The following CD99 variants were observed in gnomAD, a reference collection of about 807,000 sequenced individuals.
CD99 encodes the protein CD99 antigen.
CD99 carries 19 observed loss-of-function variants against 28.4 expected under a neutral mutation model. The observed-to-expected ratio is 0.67, with a 90% CI of 0.47 to 0.98. CD99 has a LOEUF of 0.98. Among genes scored for constraint, CD99 ranks in the 50% least tolerant of loss-of-function variants. The probability of loss-of-function intolerance (pLI) is 0.00; values close to 1 mark genes in which losing one functional copy is unlikely to be tolerated. For missense variants in CD99, 283 were observed against 248.8 expected, an observed-to-expected ratio of 1.14 and a Z score of -0.92; for synonymous variants, 103 against 92.1, an observed-to-expected ratio of 1.12 and a Z score of -0.67.
intron 1 of CD99, among the ~76,000 whole-genome samples, chrX:2,707,881 G>A (rs5982839): frequency 0.11 from 17,399 of 152,086 alleles, 1,918 homozygotes; most frequent in African/African-American, 0.27. Context: ...AGGCAAGTGG[G>A]GGTGTCTGCT....
chrX:2,728,300 G>A (rs1318991783), intron 8 of CD99, among the ~76,000 whole-genome samples: 1 of 150,094 alleles, frequency 6.7e-6, no homozygotes, highest in Admixed American at 6.6e-5. Flanking sequence ...CACCTCCCGG[G>A]TTCTCCTGCC....
intron 1 of CD99, among the ~76,000 whole-genome samples, chrX:2,710,514 G>GTTTT (rs759886806): frequency 0.21 from 31,387 of 149,600 alleles, 3,407 homozygotes; most frequent in Middle Eastern, 0.26. Context: ...CACGTGTGGG[G>GTTTT]TTTTTTTTTG....
At chrX:2,692,534 C>G (rs73628661) in intron 1 of CD99, among the ~76,000 whole-genome samples, 1,573 of 152,254 alleles carry the variant, frequency 0.01, 24 homozygotes, top group African/African-American at 0.036. Context: ...CCCGGGTATC[C>G]TAGAAATTGT....
At chrX:2,707,594 C>T (rs983689026) in intron 1 of CD99, among the ~76,000 whole-genome samples, 8 of 152,168 alleles carry the variant, frequency 5.3e-5, no homozygotes, top group African/African-American at 7.2e-5. Flanking sequence ...ATCTGTCGTC[C>T]GTTCCGCCTT....
chrX:2,691,484 G>GGATCCGCTTGA (rs1386938329), intron 1 of CD99, 57 bp downstream of exon 1: 1 of 1,529,552 alleles, frequency 6.5e-7, no homozygotes, highest in African/African-American at 1.4e-5. Context: ...CCGGGACTGG[G>GGATCCGCTTGA]GATCCGCTTG....
At chrX:2,706,651 C>A (rs1230865212) in intron 1 of CD99, among the ~76,000 whole-genome samples, 1 of 151,904 alleles carries the variant, frequency 6.6e-6, no homozygotes, top group Non-Finnish European at 1.5e-5. Context: ...GGGTCTTCAT[C>A]CTCCCACCCT....
In CD99 at chrX:2,733,781, C is replaced by T. The variant is rs147738904; in HGVS notation, c.476-4419C>T. ...CTTCCCTGCAGTGTCCTAGGTTAAGCTCACTCACGTCCTAAGGATTTGACC... is the reference window on the plus strand; with the variant it reads ...CTTCCCTGCAGTGTCCTAGGTTAAGTTCACTCACGTCCTAAGGATTTGACC... On this transcript the variant is annotated intron_variant, in intron 8 of 9. Transcript: ENST00000381192. 999 of 227,420 alleles carry T rather than the reference C, an allele frequency of 4.4e-3. 7 individuals are homozygous for T. The highest frequency in any genetic ancestry group is 8.4e-3 in the South Asian group (61 of 7,244). 14.1% of individuals were successfully genotyped at this position (227,420 alleles called of 1,614,324 possible).
At chrX:2,738,309 A>G in intron 9 of CD99, 53 bp downstream of exon 9, 1 of 1,525,784 alleles carries the variant, frequency 6.6e-7, no homozygotes, top group Non-Finnish European at 9.1e-7. Flanking sequence ...TTCCCATTTT[A>G]TCTTCTCCAT....
chrX:2,692,454 G>A (rs2047368186), intron 1 of CD99, among the ~76,000 whole-genome samples: 1 of 152,226 alleles, frequency 6.6e-6, no homozygotes, highest in African/African-American at 2.4e-5. Flanking sequence ...GCCTAGAGCT[G>A]CGGTGACTAG....
chrX:2,737,643 C>T (rs754503594), intron 8 of CD99, among the ~76,000 whole-genome samples: 10 of 151,636 alleles, frequency 6.6e-5, no homozygotes, highest in Admixed American at 2.0e-4. Context: ...TATAGGTGCA[C>T]GCCACCACGC....
chrX:2,701,090 T>TA (rs1486365446), intron 1 of CD99, among the ~76,000 whole-genome samples: 1 of 151,444 alleles, frequency 6.6e-6, no homozygotes, highest in East Asian at 1.9e-4. Context: ...TATCCACCCT[T>TA]ACCTCCATCC....
At chrX:2,703,602 TTAAG>T (rs1239753602) in intron 1 of CD99, among the ~76,000 whole-genome samples, 94 of 129,198 alleles carry the variant, frequency 7.3e-4, no homozygotes, top group African/African-American at 2.5e-3. Flanking sequence ...AACCGAGCTG[TTAAG>T]TGTGTGTGTG....
intron 1 of CD99, among the ~76,000 whole-genome samples, chrX:2,700,554 A>G (rs2047800652): frequency 6.7e-6 from 1 of 150,222 alleles, no homozygotes; most frequent in South Asian, 2.1e-4. Context: ...GCATCCATCC[A>G]TCCATTTATC....
intron 1 of CD99, among the ~76,000 whole-genome samples, chrX:2,694,168 C>T (rs1209570746): frequency 1.3e-5 from 2 of 152,108 alleles, no homozygotes; most frequent in African/African-American, 4.8e-5. Context: ...AACGGCACAG[C>T]GGCCTGTGCG....
At chrX:2,692,981 C>T (rs1002191811) in intron 1 of CD99, among the ~76,000 whole-genome samples, 5 of 152,148 alleles carry the variant, frequency 3.3e-5, no homozygotes, top group African/African-American at 9.7e-5. Flanking sequence ...CAGGGGTTCC[C>T]AGTGGTAAAT....
chrX:2,691,805 C>T (rs931944353), intron 1 of CD99: 2 of 775,366 alleles, frequency 2.6e-6, no homozygotes, highest in African/African-American at 1.7e-5. Flanking sequence ...GGACCTGCGT[C>T]TTCAGGCCGC....
intron 1 of CD99, chrX:2,692,196 C>T (rs1338833502): frequency 4.2e-6 from 2 of 472,296 alleles, no homozygotes; most frequent in Non-Finnish European, 7.5e-6. Context: ...CCCTTTGAAA[C>T]GGAAACGGAG....
At chrX:2,711,766 G>A (rs779781087) in intron 1 of CD99, among the ~76,000 whole-genome samples, 100 of 148,512 alleles carry the variant, frequency 6.7e-4, no homozygotes, top group African/African-American at 2.6e-3. Context: ...TTGGCTGGGT[G>A]CGGTGGCTCA....
Position 2,741,114 on chromosome X carries a change from AG to A in CD99, c.*312del. ...TGTAACTCAAATGTCAACCCCACCGAGGCACCCCCCCGTCCCCCAGAATCTT... is the reference window on the plus strand; with the variant it reads ...TGTAACTCAAATGTCAACCCCACCGAGCACCCCCCCGTCCCCCAGAATCTT... On this transcript the variant is annotated 3_prime_UTR_variant, in exon 10 of 10. Coordinates refer to ENST00000381192, the MANE Select transcript of CD99 (RefSeq NM_002414.5). The A allele has an allele frequency of 2.4e-6, 1 of 413,280 alleles. No homozygotes were observed. The highest frequency in any genetic ancestry group is 3.8e-5 in the East Asian group (1 of 26,660). 25.6% of individuals were successfully genotyped at this position (413,280 alleles called of 1,614,324 possible).
Sources: gnomAD v4.1 joint callset for allele counts (sites outside exome capture counted in the v4.1 genomes callset) on GRCh38, gnomAD v4.1.1 for gene constraint, MANE v1.5 for transcripts, NCBI Gene and HGNC (gene_info 2026-07-23, HGNC 2026-07-21) for gene names.